The following RNF126 variants were observed in gnomAD, a reference collection of about 807,000 sequenced individuals.
RNF126 encodes ring finger protein 126.
In RNF126, 20 loss-of-function variants were observed where a neutral mutation model predicts 41.9. The ratio of observed to expected loss-of-function variants is 0.48; its 90% CI spans 0.34 to 0.69. The LOEUF (loss-of-function observed/expected upper bound fraction) is 0.69. Among genes scored for constraint, RNF126 ranks in the 30% least tolerant of loss-of-function variants. The probability of loss-of-function intolerance (pLI) is 0.01; values close to 1 mark genes in which losing one functional copy is unlikely to be tolerated. For synonymous variants in RNF126, 239 were observed against 202.9 expected, an observed-to-expected ratio of 1.18 and a Z score of -1.51; for missense variants, 433 against 460.6, an observed-to-expected ratio of 0.94 and a Z score of 0.55.
At chr19:649,100 G>A in intron 6 of RNF126, 125 bp from the exon 7 acceptor site, 1 of 447,550 alleles carries the variant, frequency 2.2e-6, no homozygotes, top group South Asian at 8.3e-5. Context: ...GGGCCCCTTG[G>A]AGCCCGCCCG....
intron 2 of RNF126, 141 bp downstream of exon 2, chr19:652,685 G>A (rs1327223759): frequency 3.9e-6 from 3 of 761,894 alleles, no homozygotes; most frequent in South Asian, 3.2e-5. Flanking sequence ...TGTCTGCACA[G>A]AGAAAAGTGC....
Position 651,623 on chromosome 19 carries a change from G to A in RNF126, c.431C>T (p.Pro144Leu). 2 of 1,446,346 alleles carry A rather than the reference G, an allele frequency of 1.4e-6. No homozygotes were observed. Among genetic ancestry groups the A allele is most frequent in the Non-Finnish European group, 1.8e-6 (2 of 1,103,200 alleles). The allele number at this position is 1,446,346 out of a possible 1,614,324, so 89.6% of individuals were successfully genotyped here. ...GGGGCCCCCTCACCCTTCCAGCGTG[G>A]GGACGCCTTCGTGCCGGCCGGTGGC... ...RRATGRHEGVPTLEGIIQQLV... is the reference protein window; with the variant it reads ...RRATGRHEGVLTLEGIIQQLV... Residue 144 changes from proline to leucine, a missense_variant, in exon 4 of 9, where the codon CCC (proline) becomes CTC (leucine). By Grantham distance (98) the Pro-to-Leu change is moderately conservative. Transcript: ENST00000292363.
chr19:654,860 A>C (rs1199128611), intron 1 of RNF126, among the ~76,000 whole-genome samples: 1 of 151,172 alleles, frequency 6.6e-6, no homozygotes, highest in African/African-American at 2.4e-5. Context: ...CCAGCTACTC[A>C]GGAGGCTGAG....
intron 1 of RNF126, among the ~76,000 whole-genome samples, chr19:660,733 G>A (rs988123536): frequency 3.3e-5 from 5 of 152,148 alleles, no homozygotes; most frequent in Non-Finnish European, 5.9e-5. Context: ...AGGCTCAAGC[G>A]CTCCTCCCAC....
At chr19:649,820 C>T (rs1212367779) in intron 5 of RNF126, 72 bp from the exon 6 acceptor site, 2 of 1,252,068 alleles carry the variant, frequency 1.6e-6, no homozygotes, top group Admixed American at 4.0e-5. Flanking sequence ...CCCCACTCAC[C>T]AGGGGCCCAG....
chr19:652,215 G>A lies in RNF126; in HGVS notation c.198+18C>T, dbSNP rs1365605842. On this transcript the variant is annotated intron_variant, in intron 3 of 8. Coordinates refer to ENST00000292363, the MANE Select transcript of RNF126 (RefSeq NM_194460.3). ...CAAGGCTGACACGATCGGGAAGCAC[G>A]AGGGGCGGGCGACTCACCTCCAACG... The A allele has an allele frequency of 9.9e-6, 15 of 1,513,990 alleles. No homozygotes were observed. The highest frequency in any genetic ancestry group is 5.6e-5 in the Admixed American group (2 of 36,002). 93.8% of individuals were successfully genotyped at this position (1,513,990 alleles called of 1,614,324 possible).
At position 659,059 on chromosome 19, in the gene RNF126, T is replaced by C. The variant is rs1436300244; in HGVS notation, c.75+3988A>G. On this transcript the variant is annotated intron_variant, in intron 1 of 8. Transcript: ENST00000292363. This position sits in a 1 kb window ranked among gnomAD's most constrained non-coding sequence, Gnocchi z 4.9. ...GCCAGGCTCCATGTTCACAGGGTGC[T>C]GCAGGGAGCCCGTTCCGGAGAACCC... Among the ~76,000 whole-genome samples, 3 of 152,224 alleles carry C rather than the reference T, an allele frequency of 2.0e-5. No homozygotes were observed.
chr19:652,749 G>T, intron 2 of RNF126, 77 bp downstream of exon 2: 2 of 1,383,516 alleles, frequency 1.4e-6, no homozygotes, highest in East Asian at 2.3e-5. Flanking sequence ...CGGGGCGGAC[G>T]CCAGCACAGC....
Position 649,763 on chromosome 19 carries a change from T to G in RNF126, c.507-15A>C. Reference sequence around the variant, plus strand: ...GCAGGACTCCCCTGGAGGTGGAAGGTGGGGTTCAAGTGGCTGACGGGCAGC... The same window carrying G: ...GCAGGACTCCCCTGGAGGTGGAAGGGGGGGTTCAAGTGGCTGACGGGCAGC... On this transcript the variant is annotated splice_polypyrimidine_tract_variant and intron_variant, in intron 5 of 8. Transcript: ENST00000292363. 6.4e-7 allele frequency: 1 copy of G among 1,557,644 alleles called. No homozygotes were observed. Among genetic ancestry groups the G allele is most frequent in the Non-Finnish European group, 8.7e-7 (1 of 1,149,468 alleles).
chr19:656,942 C>T (rs2030586365), intron 1 of RNF126, among the ~76,000 whole-genome samples: 1 of 152,210 alleles, frequency 6.6e-6, no homozygotes, highest in Non-Finnish European at 1.5e-5. Flanking sequence ...AGCCCAGGGC[C>T]GCTCCATCGC....
chr19:662,826 G>T (rs938619447), intron 1 of RNF126, among the ~76,000 whole-genome samples: 1 of 152,112 alleles, frequency 6.6e-6, no homozygotes, highest in Middle Eastern at 3.4e-3. Context: ...CCTGCCTCCC[G>T]CCCGGGCCTC....
At chr19:649,556 G>T in intron 6 of RNF126, 123 bp downstream of exon 6, 1 of 739,916 alleles carries the variant, frequency 1.4e-6, no homozygotes, top group Non-Finnish European at 2.2e-6. Flanking sequence ...AGAGCGTGGA[G>T]GCTGTGCCCG....
At chr19:662,947 C>CGCGCAAGAGGCGG (rs2030874407) in intron 1 of RNF126, 100 bp downstream of exon 1, 4 of 460,852 alleles carry the variant, frequency 8.7e-6, no homozygotes, top group Non-Finnish European at 1.4e-5. Flanking sequence ...GTGGTCAGCT[C>CGCGCAAGAGGCGG]GCGCAAGAGG....
At chr19:656,978 G>A (rs1364270245) in intron 1 of RNF126, among the ~76,000 whole-genome samples, 1 of 152,114 alleles carries the variant, frequency 6.6e-6, no homozygotes, top group Non-Finnish European at 1.5e-5. Flanking sequence ...GGAATGGAGG[G>A]GTAGCTCAGG....
At chr19:653,741 G>C (rs919732162) in intron 1 of RNF126, among the ~76,000 whole-genome samples, 1 of 152,224 alleles carries the variant, frequency 6.6e-6, no homozygotes, top group Non-Finnish European at 1.5e-5. Flanking sequence ...ACAGCCTGCA[G>C]AACTGGAAAC....
At chr19:648,766 C>T (rs1172841048) in intron 7 of RNF126, 116 bp downstream of exon 7, 16 of 720,884 alleles carry the variant, frequency 2.2e-5, no homozygotes, top group South Asian at 2.0e-4. Context: ...GTCAGGAGTT[C>T]GAGACCTGCC....
chr19:648,078 C>A lies in RNF126; in HGVS notation c.*50G>T, dbSNP rs767136984. On this transcript the variant is annotated 3_prime_UTR_variant, in exon 9 of 9. Coordinates refer to ENST00000292363, the MANE Select transcript of RNF126 (RefSeq NM_194460.3). Reference sequence around the variant, plus strand: ...GTCTGTGGGTGCCGTGTGGCGCTGGCTGAGGGTGGGTGGGAAAGGCCCCGT... The same window carrying A: ...GTCTGTGGGTGCCGTGTGGCGCTGGATGAGGGTGGGTGGGAAAGGCCCCGT... 30 of 1,506,050 alleles carry A rather than the reference C, an allele frequency of 2.0e-5. No homozygotes were observed. Among genetic ancestry groups the A allele is most frequent in the Non-Finnish European group, 2.7e-5 (30 of 1,126,648 alleles). The allele number at this position is 1,506,050 out of a possible 1,614,324, so 93.3% of individuals were successfully genotyped here.
chr19:662,441 GC>G (rs1182928814), intron 1 of RNF126, among the ~76,000 whole-genome samples: 1 of 152,166 alleles, frequency 6.6e-6, no homozygotes, highest in Non-Finnish European at 1.5e-5. Flanking sequence ...TGCTCACAAA[GC>G]CCCGCCGGCG....
Position 651,342 on chromosome 19 carries a change from C to T in RNF126, c.443+269G>A, listed in dbSNP as rs141143351. 2.0e-3 allele frequency: 697 copies of T among 343,878 alleles called. 3 individuals are homozygous for T. The highest frequency in any genetic ancestry group is 2.7e-3 in the Non-Finnish European group (511 of 190,960). The allele number at this position is 343,878 out of a possible 1,614,324, so 21.3% of individuals were successfully genotyped here. A position where few individuals can be genotyped will look rare whatever the true frequency, so the allele number is the denominator to read the frequency against. ...GGCCTGGACAGCGTTTGACGACACG[C>T]GTGTGGACAGCAGTCTCCAGAGCAC... On this transcript the variant is annotated intron_variant, in intron 4 of 8. Transcript: ENST00000292363.
Sources: gnomAD v4.1 joint callset for allele counts (sites outside exome capture counted in the v4.1 genomes callset) on GRCh38, gnomAD v4.1.1 for gene constraint, Gnocchi (gnomAD v3.1) non-coding constraint, MANE v1.5 for transcripts, NCBI Gene and HGNC (gene_info 2026-07-23, HGNC 2026-07-21) for gene names.